The following SIMC1 variants were observed in gnomAD, a reference collection of about 807,000 sequenced individuals.
SIMC1 encodes the protein SUMO interacting motifs containing 1.
In SIMC1, 55 loss-of-function variants were observed where a neutral mutation model predicts 82.3. The observed-to-expected ratio is 0.67, with a 90% CI of 0.54 to 0.84. The LOEUF (loss-of-function observed/expected upper bound fraction) is 0.84. Among genes scored for constraint, SIMC1 ranks in the 40% least tolerant of loss-of-function variants. The pLI is 0.00. For missense variants in SIMC1, 915 were observed against 1,107.2 expected, an observed-to-expected ratio of 0.83 and a Z score of 2.46; for synonymous variants, 353 against 426.3, an observed-to-expected ratio of 0.83 and a Z score of 2.12.
chr5:176,281,386 G>A (rs1304631610), intron 1 of SIMC1, among the ~76,000 whole-genome samples: 1 of 151,996 alleles, frequency 6.6e-6, no homozygotes. Flanking sequence ...ATATCCTCCT[G>A]TAGCTTGTAG....
At chr5:176,274,768 T>A (rs987429604) in intron 1 of SIMC1, among the ~76,000 whole-genome samples, 2 of 151,932 alleles carry the variant, frequency 1.3e-5, no homozygotes, top group Admixed American at 6.6e-5. Context: ...AGGGAATCCT[T>A]TCCCCATTGC....
intron 5 of SIMC1, among the ~76,000 whole-genome samples, chr5:176,319,400 G>A (rs958837347): frequency 6.6e-6 from 1 of 152,008 alleles, no homozygotes. Context: ...CAGGCATGGC[G>A]GCATGTGCCT....
intron 1 of SIMC1, among the ~76,000 whole-genome samples, chr5:176,264,316 CT>C (rs1391992823): frequency 1.3e-5 from 2 of 152,284 alleles, no homozygotes. Flanking sequence ...TGGCACTGCC[CT>C]AGTAGAGTCT....
At chr5:176,322,118 G>C (rs1015468613) in intron 5 of SIMC1, among the ~76,000 whole-genome samples, 155 bp from the exon 6 acceptor site, 1 of 151,954 alleles carries the variant, frequency 6.6e-6, no homozygotes, top group East Asian at 1.9e-4. Context: ...CCCTTTTGTT[G>C]CCTGTAGGGA....
chr5:176,340,027 A>G (rs1418536863), intron 9 of SIMC1, among the ~76,000 whole-genome samples: 1 of 152,240 alleles, frequency 6.6e-6, no homozygotes, highest in Non-Finnish European at 1.5e-5. Flanking sequence ...TCTAGCTGCA[A>G]GAGTGGGAGA....
At chr5:176,255,598 A>T (rs867631729) in intron 1 of SIMC1, among the ~76,000 whole-genome samples, 2 of 146,424 alleles carry the variant, frequency 1.4e-5, no homozygotes, top group Non-Finnish European at 3.0e-5. Context: ...TTTTTTTTTT[A>T]AAGAAAAAGA....
intron 1 of SIMC1, among the ~76,000 whole-genome samples, chr5:176,244,824 T>C (rs1285960604): frequency 6.8e-6 from 1 of 147,852 alleles, no homozygotes; most frequent in African/African-American, 2.5e-5. Flanking sequence ...CTGGCTCAAG[T>C]GATTCTCCTG....
rs10059894 is a variant in SIMC1, at chr5:176,305,138, G to T, written c.1735-8553G>T. On this transcript the variant is annotated intron_variant, in intron 4 of 9. Coordinates refer to ENST00000429602, the MANE Select transcript of SIMC1 (RefSeq NM_001308195.2). ...CCCGGCCAGCCGTGCCATCCAGGAG[G>T]GGGGGGGGGTCAGCCCCCCGCCTGG... 2.8e-4 allele frequency among the ~76,000 whole-genome samples: 12 copies of T among 42,736 alleles called. 2 individuals are homozygous for T. The East Asian group carries it at 7.7e-3, about 27-fold the overall frequency. 28.0% of individuals were successfully genotyped at this position (42,736 alleles called of 152,430 possible).
intron 9 of SIMC1, among the ~76,000 whole-genome samples, chr5:176,343,691 C>A (rs2113429623): frequency 6.6e-6 from 1 of 152,316 alleles, no homozygotes; most frequent in Admixed American, 6.5e-5. Flanking sequence ...TTAAGTACTT[C>A]AGCATGTTCA....
intron 7 of SIMC1, among the ~76,000 whole-genome samples, chr5:176,326,402 T>C (rs912876011): frequency 1.3e-5 from 2 of 152,122 alleles, no homozygotes; most frequent in African/African-American, 4.8e-5. Context: ...TCTTTTTCTT[T>C]TTCTTTATAA....
intron 7 of SIMC1, among the ~76,000 whole-genome samples, chr5:176,328,783 G>A (rs1040853073): frequency 2.0e-5 from 3 of 152,150 alleles, no homozygotes; most frequent in African/African-American, 7.2e-5. Context: ...CTACTCAGGA[G>A]GCTCCAGTAG....
intron 4 of SIMC1, among the ~76,000 whole-genome samples, chr5:176,310,346 C>T (rs1374893252): frequency 1.3e-5 from 2 of 152,186 alleles, no homozygotes; most frequent in East Asian, 1.9e-4. Flanking sequence ...CTATATTGTA[C>T]TTGTACCCAA....
At chr5:176,285,757 A>G (rs1304580163) in intron 1 of SIMC1, among the ~76,000 whole-genome samples, 1 of 152,208 alleles carries the variant, frequency 6.6e-6, no homozygotes, top group African/African-American at 2.4e-5. Context: ...TCAGCCCAAA[A>G]TCTCCTTAAG....
In SIMC1 at chr5:176,290,888, A is replaced by C; in HGVS notation, c.1364A>C (p.Tyr455Ser). ...YNRPCLHRLKYFLRPPVHHLF... is the reference protein window; with the variant it reads ...YNRPCLHRLKSFLRPPVHHLF... Reference sequence around the variant, plus strand: ...AGACCATGCCTGCATAGACTGAAGTACTTCTTACGTCCTCCGGTTCATCAC... The same window carrying C: ...AGACCATGCCTGCATAGACTGAAGTCCTTCTTACGTCCTCCGGTTCATCAC... Residue 455 changes from tyrosine (Y) to serine (S), a missense_variant, in exon 2 of 10, where the codon TAC becomes TCC. Physicochemically the swap from Tyr to Ser is moderately radical, Grantham distance 144. This residue lies in a region of SIMC1 where 902 missense variants were observed against 1,040.3 expected (regional missense o/e 0.87). Coordinates refer to ENST00000429602, the MANE Select transcript of SIMC1 (RefSeq NM_001308195.2). The C allele has an allele frequency of 6.2e-7, 1 of 1,612,558 alleles. No individual in the cohort carries two copies. Among genetic ancestry groups the C allele is most frequent in the Non-Finnish European group, 8.5e-7 (1 of 1,179,122 alleles).
chr5:176,285,111 G>C (rs1423600536), intron 1 of SIMC1, among the ~76,000 whole-genome samples: 1 of 151,546 alleles, frequency 6.6e-6, no homozygotes, highest in African/African-American at 2.4e-5. Context: ...GATAGAAAAA[G>C]AGGGAATCCT....
intron 1 of SIMC1, among the ~76,000 whole-genome samples, chr5:176,272,384 C>CAAAA (rs70991523): frequency 1.4e-5 from 2 of 143,274 alleles, no homozygotes; most frequent in Non-Finnish European, 1.5e-5. Context: ...TGCAATAAGG[C>CAAAA]AAAAAAAAAA....
intron 9 of SIMC1, among the ~76,000 whole-genome samples, chr5:176,340,555 C>T (rs893311072): frequency 2.0e-5 from 3 of 152,140 alleles, no homozygotes; most frequent in East Asian, 1.9e-4. Context: ...TGTCCACGGA[C>T]GGGGAAAAGC....
At chr5:176,312,841 A>G (rs1359840194) in intron 4 of SIMC1, among the ~76,000 whole-genome samples, 5 of 152,170 alleles carry the variant, frequency 3.3e-5, no homozygotes, top group African/African-American at 1.2e-4. Flanking sequence ...TTTGAAGCCT[A>G]AGCTCCCAGC....
chr5:176,323,465 G>A (rs1581313711), intron 6 of SIMC1, among the ~76,000 whole-genome samples: 3 of 152,288 alleles, frequency 2.0e-5, no homozygotes, highest in South Asian at 2.1e-4. Context: ...TCACTAGAGA[G>A]TCCCTGTGAG....
Sources: gnomAD v4.1 joint callset for allele counts (sites outside exome capture counted in the v4.1 genomes callset) on GRCh38, gnomAD v4.1.1 for gene constraint, gnomAD v4.1.1 regional missense constraint, MANE v1.5 for transcripts, NCBI Gene and HGNC (gene_info 2026-07-23, HGNC 2026-07-21) for gene names.